The following ATP8A1 variants were observed in gnomAD, a reference collection of about 807,000 sequenced individuals.
The protein encoded by ATP8A1 is ATPase phospholipid transporting 8A1, also known as phospholipid-transporting ATPase IA.
In ATP8A1, 90 loss-of-function variants were observed where a neutral mutation model predicts 177.7. That is an observed-to-expected ratio of 0.51 (90% CI 0.43 to 0.60). ATP8A1 has a LOEUF of 0.60. Among genes scored for constraint, ATP8A1 ranks in the 20% least tolerant of loss-of-function variants. ATP8A1 has a pLI of 0.00. For synonymous variants in ATP8A1, 493 were observed against 485.9 expected, an observed-to-expected ratio of 1.01 and a Z score of -0.19; for missense variants, 1,072 against 1,392.8, an observed-to-expected ratio of 0.77 and a Z score of 3.67.
rs535291476 is a variant in ATP8A1, at chr4:42,579,434, C to A, written c.1000+379G>T. Among the ~76,000 whole-genome samples the A allele has an allele frequency of 2.7e-5, 4 of 147,366 alleles. No homozygotes were observed. In the South Asian group the frequency reaches 8.5e-4, roughly 31 times the overall value. ...TATTTTATATATTTATAAATACATA[C>A]AATATATATTTAAATATATATGTTT... On this transcript the variant is annotated intron_variant, in intron 11 of 36. Transcript: ENST00000381668.
At chr4:42,627,221 T>C in intron 1 of ATP8A1, 112 bp from the exon 2 acceptor site, 1 of 691,100 alleles carries the variant, frequency 1.4e-6, no homozygotes, top group Non-Finnish European at 2.4e-6. Flanking sequence ...TGCTTCCCCT[T>C]AACTGTTGTT....
At chr4:42,442,819 C>A (rs866502778) in intron 33 of ATP8A1, among the ~76,000 whole-genome samples, 8 of 152,166 alleles carry the variant, frequency 5.3e-5, no homozygotes, top group Non-Finnish European at 1.2e-4. Flanking sequence ...ACGGAGCTCA[C>A]ATTACCTTGA....
rs1465656569 is a variant in ATP8A1 at position 42,482,330 on chromosome 4, C to CA, written c.2324+3165dup. On this transcript the variant is annotated intron_variant, in intron 25 of 36. Coordinates refer to ENST00000381668, the MANE Select transcript of ATP8A1 (RefSeq NM_006095.2). ...AAAAACAAAAAAACAAACAAACAAA[C>CA]AAACAAAAAAAAAAAAGAAAAGAAA... Among the ~76,000 whole-genome samples, 22 of 94,764 alleles carry CA rather than the reference C, an allele frequency of 2.3e-4. No individual in the cohort carries two copies. In the East Asian group the frequency reaches 6.9e-3, roughly 30 times the overall value. 62.2% of individuals were successfully genotyped at this position (94,764 alleles called of 152,430 possible).
intron 33 of ATP8A1, among the ~76,000 whole-genome samples, chr4:42,433,277 C>T (rs550928244): frequency 1.4e-4 from 17 of 122,450 alleles, no homozygotes; most frequent in Non-Finnish European, 1.7e-4. Flanking sequence ...GGGCGTCCAG[C>T]GCTCTCTTCT....
intron 5 of ATP8A1, 32 bp downstream of exon 5, chr4:42,616,001 A>G: frequency 6.3e-7 from 1 of 1,586,902 alleles, no homozygotes. Context: ...TAGGTTTGAC[A>G]AATATGAGAA....
At chr4:42,485,842 C>A (rs1425556664) in intron 24 of ATP8A1, among the ~76,000 whole-genome samples, 174 bp from the exon 25 acceptor site, 2 of 152,130 alleles carry the variant, frequency 1.3e-5, no homozygotes, top group African/African-American at 4.8e-5. Context: ...GGAGCCTGCA[C>A]AATTGTTATC....
intron 34 of ATP8A1, among the ~76,000 whole-genome samples, chr4:42,423,231 T>C (rs974475896): frequency 2.0e-5 from 3 of 152,140 alleles, no homozygotes; most frequent in Non-Finnish European, 4.4e-5. Context: ...GGTTTTCTTT[T>C]CTTTCATTTT....
At chr4:42,482,446 C>T (rs943615431) in intron 25 of ATP8A1, among the ~76,000 whole-genome samples, 4 of 152,054 alleles carry the variant, frequency 2.6e-5, no homozygotes, top group Admixed American at 2.6e-4. Flanking sequence ...CAACATTCAA[C>T]CTATACTTTA....
At chr4:42,473,553 T>G (rs1720703289) in intron 25 of ATP8A1, among the ~76,000 whole-genome samples, 1 of 152,156 alleles carries the variant, frequency 6.6e-6, no homozygotes, top group South Asian at 2.1e-4. Flanking sequence ...CCATTCCCAG[T>G]GTCTGACTGG....
At chr4:42,533,812 C>T (rs992134973) in intron 20 of ATP8A1, among the ~76,000 whole-genome samples, 9 of 152,338 alleles carry the variant, frequency 5.9e-5, no homozygotes, top group African/African-American at 1.7e-4. Context: ...CTGGTATCCA[C>T]AGCTGAGAGA....
chr4:42,532,328 T>C (rs548245329), intron 20 of ATP8A1, among the ~76,000 whole-genome samples: 2 of 151,744 alleles, frequency 1.3e-5, no homozygotes, highest in African/African-American at 2.4e-5. Context: ...CTACATAAAA[T>C]ACAAAAAATT....
chr4:42,635,599 C>G (rs183893943), intron 1 of ATP8A1, among the ~76,000 whole-genome samples: 68 of 151,452 alleles, frequency 4.5e-4, no homozygotes, highest in African/African-American at 1.6e-3. Context: ...AAGTTAGGTA[C>G]TACTAAGATG....
chr4:42,575,770 C>A, intron 12 of ATP8A1, 71 bp from the exon 13 acceptor site: 1 of 1,274,516 alleles, frequency 7.8e-7, no homozygotes, highest in Non-Finnish European at 1.1e-6. Flanking sequence ...TAAAAGAAAA[C>A]AATTAGTATA....
intron 1 of ATP8A1, among the ~76,000 whole-genome samples, chr4:42,649,266 C>G (rs1381797199): frequency 1.3e-5 from 2 of 152,094 alleles, no homozygotes; most frequent in African/African-American, 4.8e-5. Context: ...GTGTCAAGCA[C>G]TATTCCAGGC....
rs778824381 is a variant in ATP8A1, at chr4:42,455,437, G to A, written c.2695-18C>T. The A allele has an allele frequency of 6.2e-7, 1 of 1,613,644 alleles. No individual in the cohort carries two copies. The highest frequency in any genetic ancestry group is 8.5e-7 in the Non-Finnish European group (1 of 1,179,736). On this transcript the variant is annotated intron_variant, in intron 28 of 36. Transcript: ENST00000381668. ...GTAAACATCTAAAGCGCACAAACTG[G>A]TCATTATGTCAAGCAGCCAAATGCA...
chr4:42,478,696 G>T (rs1013505775), intron 25 of ATP8A1, among the ~76,000 whole-genome samples: 1 of 152,152 alleles, frequency 6.6e-6, no homozygotes, highest in Non-Finnish European at 1.5e-5. Flanking sequence ...GGTTTTCCTA[G>T]AACAGAGGGA....
intron 2 of ATP8A1, 190 bp from the exon 3 acceptor site, chr4:42,625,903 T>G (rs1252528240): frequency 1.7e-5 from 7 of 420,920 alleles, no homozygotes; most frequent in Non-Finnish European, 3.0e-5. Context: ...TGGTAAAGCA[T>G]GAATACCACA....
chr4:42,642,493 A>G (rs1295397067), intron 1 of ATP8A1, among the ~76,000 whole-genome samples: 1 of 152,180 alleles, frequency 6.6e-6, no homozygotes, highest in Admixed American at 6.5e-5. Context: ...GACGACAGAA[A>G]CCTCCACTAA....
At chr4:42,453,694 T>G (rs1038930125) in intron 29 of ATP8A1, among the ~76,000 whole-genome samples, 4 of 152,212 alleles carry the variant, frequency 2.6e-5, no homozygotes, top group Non-Finnish European at 4.4e-5. Flanking sequence ...TAAGCAAGAA[T>G]GGCATGGCCA....
Sources: gnomAD v4.1 joint callset for allele counts (sites outside exome capture counted in the v4.1 genomes callset) on GRCh38, gnomAD v4.1.1 for gene constraint, MANE v1.5 for transcripts, NCBI Gene and HGNC (gene_info 2026-07-23, HGNC 2026-07-21) for gene names.